Variants in UGT1A9 observed in about 807,000 individuals in gnomAD.
UGT1A9 encodes the protein UDP-glucuronosyltransferase 1A9.
A neutral mutation model predicts 45.0 loss-of-function variants in UGT1A9; 35 were observed. The ratio of observed to expected loss-of-function variants is 0.78; its 90% CI spans 0.59 to 1.03. The LOEUF is 1.03. Among genes scored for constraint, UGT1A9 ranks in the 50% least tolerant of loss-of-function variants. The pLI is 0.00. For synonymous variants in UGT1A9, 278 were observed against 250.6 expected, an observed-to-expected ratio of 1.11 and a Z score of -1.03; for missense variants, 687 against 666.6, an observed-to-expected ratio of 1.03 and a Z score of -0.34.
chr2:233,747,486 C>T, intron 1 of UGT1A9: 1 of 1,608,834 alleles, frequency 6.2e-7, no homozygotes, highest in Non-Finnish European at 8.5e-7. Flanking sequence ...ATTTGATCGC[C>T]TTGTGCTGGG....
At chr2:233,734,256 G>A (rs1200658913) in intron 1 of UGT1A9, among the ~76,000 whole-genome samples, 1 of 151,990 alleles carries the variant, frequency 6.6e-6, no homozygotes, top group Non-Finnish European at 1.5e-5. Flanking sequence ...GTCTTGGGAG[G>A]GTGTATGTGT....
At chr2:233,718,832 A>G (rs1187476814) in intron 1 of UGT1A9, 1 of 1,613,166 alleles carries the variant, frequency 6.2e-7, no homozygotes, top group African/African-American at 1.3e-5. Context: ...TGGCCAGAGG[A>G]CTCCAGGTTC....
chr2:233,681,841 G>A lies in UGT1A9; in HGVS notation c.855+9052G>A, dbSNP rs575531809. 27 of 1,516,252 alleles carry A rather than the reference G, an allele frequency of 1.8e-5. No individual in the cohort carries two copies. In the African/African-American group the frequency reaches 2.4e-4, roughly 13 times the overall value. 93.9% of individuals were successfully genotyped at this position (1,516,252 alleles called of 1,614,324 possible). A position where few individuals can be genotyped will look rare whatever the true frequency, so the allele number is the denominator to read the frequency against. On this transcript the variant is annotated intron_variant, in intron 1 of 4. Coordinates refer to ENST00000354728, the MANE Select transcript of UGT1A9 (RefSeq NM_021027.3). ...TTTTTAAATGAATGAATAAGTACAC[G>A]CCTTCTTTTGAGGGCAGGTTCTATC...
chr2:233,703,550 C>T (rs2075742983), intron 1 of UGT1A9, among the ~76,000 whole-genome samples: 1 of 151,874 alleles, frequency 6.6e-6, no homozygotes, highest in Admixed American at 6.6e-5. Flanking sequence ...CACTTTATTG[C>T]TAGTAATATT....
chr2:233,713,346 AAT>A (rs1283931554), intron 1 of UGT1A9: 3 of 1,614,220 alleles, frequency 1.9e-6, no homozygotes, highest in Non-Finnish European at 2.5e-6. Flanking sequence ...AATTATGAAC[AAT>A]ATGTCTTTGA....
At chr2:233,710,916 A>G (rs1261394935) in intron 1 of UGT1A9, among the ~76,000 whole-genome samples, 1 of 152,218 alleles carries the variant, frequency 6.6e-6, no homozygotes, top group Non-Finnish European at 1.5e-5. Flanking sequence ...AGGTCTTTAG[A>G]CCACTTAGTC....
intron 1 of UGT1A9, among the ~76,000 whole-genome samples, chr2:233,720,850 C>A (rs2076896670): frequency 6.6e-6 from 1 of 150,800 alleles, no homozygotes; most frequent in African/African-American, 2.5e-5. Context: ...GGACTGCAGG[C>A]ATGTGCCACT....
Position 233,672,331 on chromosome 2 carries a change from TTAG to T in UGT1A9, c.401_403del (p.Val134del). 6.2e-7 allele frequency: 1 copy of T among 1,614,142 alleles called. No individual in the cohort carries two copies. Among genetic ancestry groups the T allele is most frequent in the Non-Finnish European group, 8.5e-7 (1 of 1,179,998 alleles). ...CAGGAGTTTGTTTAAAGACAAAAAA[TTAG>T]TAGAATACTTAAAGGAGAGTTCTTT... On this transcript the variant is annotated inframe_deletion, in exon 1 of 5. Coordinates refer to ENST00000354728, the MANE Select transcript of UGT1A9 (RefSeq NM_021027.3).
chr2:233,745,241 G>C (rs1693049313), intron 1 of UGT1A9, among the ~76,000 whole-genome samples: 1 of 151,840 alleles, frequency 6.6e-6, no homozygotes. Context: ...ACTATTTACT[G>C]TATCGAAACC....
intron 1 of UGT1A9, among the ~76,000 whole-genome samples, chr2:233,762,717 G>GTT (rs34681509): frequency 7.1e-6 from 1 of 141,156 alleles, no homozygotes; most frequent in African/African-American, 2.6e-5. Context: ...ATTTTACACG[G>GTT]TTTTTTTTTT....
chr2:233,756,338 C>G (rs1225810729), intron 1 of UGT1A9: 2 of 152,178 alleles, frequency 1.3e-5, no homozygotes, highest in Non-Finnish European at 2.9e-5. Flanking sequence ...CTAGTCATCT[C>G]TTGATTACTT....
chr2:233,683,091 G>A (rs796158356), intron 1 of UGT1A9, among the ~76,000 whole-genome samples: 36 of 151,776 alleles, frequency 2.4e-4, no homozygotes, highest in African/African-American at 8.7e-4. Context: ...CCCTTTTTTT[G>A]CTAATTCTAC....
chr2:233,743,154 T>C (rs3796088), intron 1 of UGT1A9: 32,247 of 360,776 alleles, frequency 0.089, 2,110 homozygotes, highest in East Asian at 0.21. Context: ...CCGCTATTCC[T>C]CCAGATGTGC....
chr2:233,694,648 C>CT (rs745676395), intron 1 of UGT1A9, among the ~76,000 whole-genome samples: 1 of 152,166 alleles, frequency 6.6e-6, no homozygotes, highest in Non-Finnish European at 1.5e-5. Context: ...TTTCCAGTTC[C>CT]TTTTTTATCA....
At chr2:233,750,094 G>C (rs1227492206) in intron 1 of UGT1A9, among the ~76,000 whole-genome samples, 2 of 151,908 alleles carry the variant, frequency 1.3e-5, no homozygotes, top group Non-Finnish European at 2.9e-5. Flanking sequence ...GAACAGTTTG[G>C]AGAGCTCAGA....
At chr2:233,743,452 GA>G (rs1692298839) in intron 1 of UGT1A9, 1 of 1,365,542 alleles carries the variant, frequency 7.3e-7, no homozygotes, top group Non-Finnish European at 9.8e-7. Flanking sequence ...ATCAAAAGAA[GA>G]AAAAACACCC....
chr2:233,730,673 A>G (rs1217219739), intron 1 of UGT1A9, among the ~76,000 whole-genome samples: 2 of 152,106 alleles, frequency 1.3e-5, no homozygotes, highest in South Asian at 2.1e-4. Flanking sequence ...AGGCAAAGTA[A>G]TGGTTGCATC....
intron 1 of UGT1A9, chr2:233,682,263 TAAC>T: frequency 6.2e-7 from 1 of 1,614,216 alleles, no homozygotes; most frequent in South Asian, 1.1e-5. Flanking sequence ...TTTTCTCTAT[TAAC>T]AAGTTCATCC....
At chr2:233,759,598 G>T (rs1449245871) in intron 1 of UGT1A9, among the ~76,000 whole-genome samples, 1 of 32,538 alleles carries the variant, frequency 3.1e-5, no homozygotes, top group Non-Finnish European at 7.1e-5. Flanking sequence ...CCCCACCCCC[G>T]ACCCGCCCCA....
Sources: gnomAD v4.1 joint callset for allele counts (sites outside exome capture counted in the v4.1 genomes callset) on GRCh38, gnomAD v4.1.1 for gene constraint, MANE v1.5 for transcripts, NCBI Gene and HGNC (gene_info 2026-07-23, HGNC 2026-07-21) for gene names.